The following PRDX4 variants were observed in gnomAD, a reference collection of about 807,000 sequenced individuals.
PRDX4 encodes the protein peroxiredoxin-4.
In PRDX4, 12 loss-of-function variants were observed where a neutral mutation model predicts 20.5. That is an observed-to-expected ratio of 0.58 (90% CI 0.37 to 0.95). The LOEUF is 0.95. Ranked by LOEUF, PRDX4 falls within the 40% of genes least tolerant of loss-of-function variation. The probability of loss-of-function intolerance (pLI) is 0.01; values close to 1 mark genes in which losing one functional copy is unlikely to be tolerated. For missense variants in PRDX4, 180 were observed against 207.3 expected (o/e 0.87, Z 0.81); for synonymous variants, 99 against 87.5 (o/e 1.13, Z -0.73).
chrX:23,682,382 C>G lies in PRDX4; in HGVS notation c.600-14C>G. ...AAGAAATGACCTCATCTCTACCATT[C>G]TTCTGTTTTACAGAGGTCTCTTCAT... On this transcript the variant is annotated splice_polypyrimidine_tract_variant and intron_variant, in intron 4 of 6. Coordinates refer to ENST00000379341, the MANE Select transcript of PRDX4 (RefSeq NM_006406.2). 1 of 1,121,961 alleles carries G rather than the reference C, an allele frequency of 8.9e-7. No individual in the cohort carries two copies. The allele number at this position is 1,121,961 out of a possible 1,213,427, so 92.5% of individuals were successfully genotyped here. A position where few individuals can be genotyped will look rare whatever the true frequency, so the allele number is the denominator to read the frequency against.
At chrX:23,682,990 G>A (rs900876035) in intron 5 of PRDX4, among the ~76,000 whole-genome samples, 4 of 106,065 alleles carry the variant, frequency 3.8e-5, no homozygotes, top group Middle Eastern at 4.3e-3. Context: ...TTAAAATTAT[G>A]TTTCTGCAAG....
chrX:23,671,707 T>A, intron 2 of PRDX4, 61 bp downstream of exon 2: 1 of 868,817 alleles, frequency 1.2e-6, no homozygotes, highest in Non-Finnish European at 1.6e-6. Flanking sequence ...TTTTCAGGAG[T>A]ATCAAACAAA....
intron 5 of PRDX4, 90 bp downstream of exon 5, chrX:23,682,616 A>G: frequency 1.3e-6 from 1 of 750,064 alleles, no homozygotes; most frequent in South Asian, 3.4e-5. Context: ...CGATATTTCC[A>G]AAGTTTTCTG....
chrX:23,668,270 TTTTC>T (rs1927772317), intron 1 of PRDX4, among the ~76,000 whole-genome samples: 1 of 112,515 alleles, frequency 8.9e-6, no homozygotes, highest in Admixed American at 9.4e-5. Context: ...AACATTTCAT[TTTTC>T]TTTCTTCCTT....
rs1257599053 is a variant in PRDX4 at position 23,686,188 on chromosome X, A to T, written c.766-97A>T. 10 of 597,902 alleles carry T rather than the reference A, an allele frequency of 1.7e-5. No individual in the cohort carries two copies. The East Asian group carries it at 3.5e-4, about 21-fold the overall frequency. The allele number at this position is 597,902 out of a possible 1,213,427, so 49.3% of individuals were successfully genotyped here. The stretch of plus-strand genomic sequence containing the variant: ...AATATACAATCTGATATACAAAAAT[A>T]ATTTTTAGTCAAGGCATGGGCAACT... On this transcript the variant is annotated intron_variant, in intron 6 of 6. Transcript: ENST00000379341.
chrX:23,672,055 G>C (rs914288951), intron 2 of PRDX4, among the ~76,000 whole-genome samples: 1 of 112,007 alleles, frequency 8.9e-6, no homozygotes, highest in Middle Eastern at 4.2e-3. Flanking sequence ...AAGGTCAAGA[G>C]ATCGAGACCA....
At chrX:23,682,629 T>C (rs186834708) in intron 5 of PRDX4, 103 bp downstream of exon 5, 195 of 670,230 alleles carry the variant, frequency 2.9e-4, no homozygotes, top group Non-Finnish European at 3.7e-4. Context: ...GTTTTCTGAT[T>C]ATTTACAAAT....
chrX:23,674,288 A>G (rs1927903004), intron 2 of PRDX4, among the ~76,000 whole-genome samples: 2 of 111,845 alleles, frequency 1.8e-5, no homozygotes, highest in African/African-American at 3.2e-5. Context: ...TTCATAATTT[A>G]CCCTTAGTAT....
chrX:23,667,879 C>T lies in PRDX4; in HGVS notation c.241+68C>T, dbSNP rs760684166. 5.1e-6 allele frequency: 6 copies of T among 1,177,714 alleles called. No homozygotes were observed. The South Asian group carries it at 7.7e-5, about 15-fold the overall frequency. On this transcript the variant is annotated intron_variant, in intron 1 of 6. Coordinates refer to ENST00000379341, the MANE Select transcript of PRDX4 (RefSeq NM_006406.2). ...GACACGTGTACCCCGGTTACACCCC[C>T]GGAATCTGGGCTTGGGCGGCACCCC...
At chrX:23,679,579 G>A (rs758577767) in intron 4 of PRDX4, among the ~76,000 whole-genome samples, 1 of 109,615 alleles carries the variant, frequency 9.1e-6, no homozygotes, top group South Asian at 4.0e-4. Context: ...CCAGCTACTC[G>A]GGAGGCTGAG....
intron 3 of PRDX4, among the ~76,000 whole-genome samples, chrX:23,676,682 C>T (rs190745775): frequency 4.6e-5 from 5 of 108,217 alleles, no homozygotes; most frequent in Non-Finnish European, 5.7e-5. Flanking sequence ...GTCCCAGCTA[C>T]TCGGGAGCCT....
At chrX:23,679,350 GATGTT>G in intron 4 of PRDX4, 63 bp downstream of exon 4, 1 of 1,058,964 alleles carries the variant, frequency 9.4e-7, no homozygotes, top group Non-Finnish European at 1.3e-6. Flanking sequence ...CCTTGAAATA[GATGTT>G]ATTTATGAAA....
chrX:23,675,524 T>A (rs1235721386), intron 3 of PRDX4: 2 of 132,573 alleles, frequency 1.5e-5, no homozygotes, highest in African/African-American at 6.2e-5. Flanking sequence ...CAATACTTTT[T>A]AAAAATGAAT....
In PRDX4 at chrX:23,667,762, A is replaced by T; in HGVS notation, c.192A>T (p.Ala64=). The T allele has an allele frequency of 8.3e-7, 1 of 1,211,358 alleles. No individual in the cohort carries two copies. The highest frequency in any genetic ancestry group is 1.1e-6 in the Non-Finnish European group (1 of 895,215). The change falls in exon 1 of 7, where the codon GCA becomes GCT. Residue 64 remains alanine (A), a synonymous_variant. Transcript: ENST00000379341. ...YAGGQVYPGE[A]SRVSVADHSL... is the part of the protein sequence containing the mutation. ...GTGGACAAGTGTACCCGGGAGAGGC[A>T]TCCCGGGTATCGGTCGCCGACCACT...
At chrX:23,683,576 C>G in intron 5 of PRDX4, 95 bp from the exon 6 acceptor site, 1 of 822,994 alleles carries the variant, frequency 1.2e-6, no homozygotes, top group Non-Finnish European at 1.8e-6. Flanking sequence ...TTAGTATATT[C>G]TATTCAGTTT....
intron 3 of PRDX4, among the ~76,000 whole-genome samples, 167 bp from the exon 4 acceptor site, chrX:23,678,998 T>C (rs1226725972): frequency 8.9e-6 from 1 of 112,379 alleles, no homozygotes; most frequent in South Asian, 3.6e-4. Flanking sequence ...AGGATATGAA[T>C]ATATTAAATG....
rs146483030 is a variant in PRDX4 at position 23,685,536 on chromosome X, G to C, written c.766-749G>C. Among the ~76,000 whole-genome samples the C allele has an allele frequency of 7.8e-3, 690 of 88,717 alleles. 5 individuals carry two copies. The highest frequency in any genetic ancestry group is 0.026 in the African/African-American group (626 of 23,921). 77.0% of individuals were successfully genotyped at this position (88,717 alleles called of 115,157 possible). A position where few individuals can be genotyped will look rare whatever the true frequency, so the allele number is the denominator to read the frequency against. On this transcript the variant is annotated intron_variant, in intron 6 of 6. Transcript: ENST00000379341. ...CATAGAGATGAGTAAGTTTGCTATTGTAACATTAACTTTGACCTCAAAGCA... is the reference window on the plus strand; with the variant it reads ...CATAGAGATGAGTAAGTTTGCTATTCTAACATTAACTTTGACCTCAAAGCA...
chrX:23,667,918 G>A (rs1481083987), intron 1 of PRDX4, 107 bp downstream of exon 1: 1 of 1,097,042 alleles, frequency 9.1e-7, no homozygotes, highest in African/African-American at 1.8e-5. Context: ...GGCTGCCTCC[G>A]GGCCCTGGGC....
chrX:23,675,824 A>C (rs1284064654), intron 3 of PRDX4, among the ~76,000 whole-genome samples: 1 of 111,954 alleles, frequency 8.9e-6, no homozygotes, highest in Non-Finnish European at 1.9e-5. Context: ...AACTTTGTGC[A>C]CAATAAAGAC....
Sources: gnomAD v4.1 joint callset for allele counts (sites outside exome capture counted in the v4.1 genomes callset) on GRCh38, gnomAD v4.1.1 for gene constraint, MANE v1.5 for transcripts, NCBI Gene and HGNC (gene_info 2026-07-23, HGNC 2026-07-21) for gene names.